The following TOM1 variants were observed in gnomAD, a reference collection of about 807,000 sequenced individuals.
TOM1 encodes target of myb1 membrane trafficking protein.
TOM1 carries 38 observed loss-of-function variants against 61.3 expected under a neutral mutation model. That is an observed-to-expected ratio of 0.62 (90% CI 0.48 to 0.81). The LOEUF (loss-of-function observed/expected upper bound fraction) is 0.81. TOM1 is among the 40% of genes least tolerant of loss of function. The probability of loss-of-function intolerance (pLI) is 0.00; values close to 1 mark genes in which losing one functional copy is unlikely to be tolerated. For missense variants in TOM1, 591 were observed against 659.6 expected (o/e 0.90, Z 1.14); for synonymous variants, 270 against 268.8 (o/e 1.00, Z -0.04).
At chr22:35,331,866 C>T (rs936975508) in intron 8 of TOM1, among the ~76,000 whole-genome samples, 3 of 151,228 alleles carry the variant, frequency 2.0e-5, no homozygotes, top group East Asian at 3.9e-4. Flanking sequence ...CCAGCCTAGG[C>T]GACAGAGCAA....
At chr22:35,313,416 G>T (rs532686081) in intron 1 of TOM1, among the ~76,000 whole-genome samples, 2 of 151,928 alleles carry the variant, frequency 1.3e-5, no homozygotes, top group African/African-American at 4.8e-5. Context: ...GTGGTGTGGC[G>T]TGTCTTTGGT....
At chr22:35,346,345 C>G (rs886078928) in intron 13 of TOM1, among the ~76,000 whole-genome samples, 36 of 152,256 alleles carry the variant, frequency 2.4e-4, no homozygotes, top group African/African-American at 8.4e-4. Context: ...TCTCTGGGCA[C>G]CAAGGCCCAC....
chr22:35,343,462 ACATT>A (rs1212547863), intron 12 of TOM1, among the ~76,000 whole-genome samples: 2 of 137,034 alleles, frequency 1.5e-5, no homozygotes, highest in African/African-American at 2.8e-5. Context: ...CTACACACAC[ACATT>A]CATACACCTA....
chr22:35,341,761 C>T (rs368880702), intron 12 of TOM1, among the ~76,000 whole-genome samples: 26 of 152,182 alleles, frequency 1.7e-4, no homozygotes, highest in Non-Finnish European at 2.9e-4. Flanking sequence ...AGGGAGGAAA[C>T]GCACCACACA....
chr22:35,319,478 C>G (rs745766211), intron 2 of TOM1, among the ~76,000 whole-genome samples: 1 of 152,206 alleles, frequency 6.6e-6, no homozygotes, highest in Non-Finnish European at 1.5e-5. Context: ...CAGCAGAGTA[C>G]CGGACATCAT....
intron 2 of TOM1, among the ~76,000 whole-genome samples, chr22:35,319,827 C>T (rs1601682978): frequency 6.6e-6 from 1 of 152,218 alleles, no homozygotes. Flanking sequence ...CCAGGACCCC[C>T]CTTGGTGGGC....
chr22:35,318,545 G>T (rs1927506050), intron 2 of TOM1, among the ~76,000 whole-genome samples: 1 of 152,234 alleles, frequency 6.6e-6, no homozygotes. Context: ...CACATGGTGT[G>T]GGGGAAGGAT....
intron 2 of TOM1, among the ~76,000 whole-genome samples, chr22:35,321,201 CATT>C (rs1310168454): frequency 6.6e-6 from 1 of 151,966 alleles, no homozygotes; most frequent in Non-Finnish European, 1.5e-5. Flanking sequence ...GTAATGAAAA[CATT>C]ATGCCTCCAG....
intron 6 of TOM1, 106 bp downstream of exon 6, chr22:35,324,020 C>G (rs1820326941): frequency 1.5e-6 from 2 of 1,361,656 alleles, no homozygotes; most frequent in African/African-American, 2.9e-5. Flanking sequence ...CCACTTCTTC[C>G]TCACAGCAGC....
At chr22:35,312,187 T>C (rs904953687) in intron 1 of TOM1, among the ~76,000 whole-genome samples, 10 of 149,292 alleles carry the variant, frequency 6.7e-5, no homozygotes, top group African/African-American at 2.0e-4. Flanking sequence ...GAAGTTGCAG[T>C]GAGCCGAGAT....
At chr22:35,305,360 GAAGA>G (rs1926229001) in intron 1 of TOM1, among the ~76,000 whole-genome samples, 1 of 152,184 alleles carries the variant, frequency 6.6e-6, no homozygotes, top group African/African-American at 2.4e-5. Context: ...ATGCCAGAGG[GAAGA>G]AAGAAACTGA....
chr22:35,346,746 AGGTCCTAC>A (rs1366469863), intron 13 of TOM1, among the ~76,000 whole-genome samples, 176 bp from the exon 14 acceptor site: 10 of 152,270 alleles, frequency 6.6e-5, no homozygotes, highest in Non-Finnish European at 1.0e-4. Flanking sequence ...CACCCAAGGA[AGGTCCTAC>A]GGCTCAGGGA....
At chr22:35,310,442 A>G (rs778407440) in intron 1 of TOM1, among the ~76,000 whole-genome samples, 32 of 152,152 alleles carry the variant, frequency 2.1e-4, no homozygotes, top group Non-Finnish European at 2.9e-4. Flanking sequence ...AGTCCCAGCT[A>G]CTCGGGAGGC....
chr22:35,334,219 C>G (rs113493230), intron 10 of TOM1, 109 bp from the exon 11 acceptor site: 5 of 1,451,928 alleles, frequency 3.4e-6, no homozygotes, highest in Non-Finnish European at 3.7e-6. Context: ...CCCACCCACA[C>G]GTGCCACTTC....
chr22:35,328,504 A>T (rs1043840146), intron 7 of TOM1, among the ~76,000 whole-genome samples: 3 of 152,368 alleles, frequency 2.0e-5, no homozygotes, highest in Admixed American at 2.0e-4. Context: ...CCAGGGTTAT[A>T]TGGCTGGTAA....
chr22:35,339,631 G>A (rs1194825070), intron 12 of TOM1, among the ~76,000 whole-genome samples: 2 of 152,172 alleles, frequency 1.3e-5, no homozygotes, highest in African/African-American at 2.4e-5. Context: ...CTGGCCAGGC[G>A]CAGTGGCTCA....
chr22:35,335,055 A>G (rs572275745), intron 11 of TOM1, among the ~76,000 whole-genome samples: 1 of 152,256 alleles, frequency 6.6e-6, no homozygotes, highest in South Asian at 2.1e-4. Flanking sequence ...TTTCAGCAGC[A>G]TAGGCACGTG....
chr22:35,322,157 T>C (rs1455643329), intron 3 of TOM1, 120 bp downstream of exon 3: 1 of 872,954 alleles, frequency 1.1e-6, no homozygotes. Context: ...TGGAAAGGTC[T>C]GTAGGCAACG....
At chr22:35,312,312 A>G (rs899080911) in intron 1 of TOM1, among the ~76,000 whole-genome samples, 1 of 150,982 alleles carries the variant, frequency 6.6e-6, no homozygotes, top group Non-Finnish European at 1.5e-5. Context: ...TCATCAGCAC[A>G]CCTGGCACTG....
Sources: gnomAD v4.1 joint callset for allele counts (sites outside exome capture counted in the v4.1 genomes callset) on GRCh38, gnomAD v4.1.1 for gene constraint, MANE v1.5 for transcripts, NCBI Gene and HGNC (gene_info 2026-07-23, HGNC 2026-07-21) for gene names.